ZNF385C: variants seen among roughly 807,000 people sequenced by gnomAD.
ZNF385C encodes zinc finger protein 385C.
A neutral mutation model predicts 35.4 loss-of-function variants in ZNF385C; 28 were observed. The observed-to-expected ratio is 0.79, with a 90% confidence interval of 0.59 to 1.08. The LOEUF (loss-of-function observed/expected upper bound fraction) is 1.08. Among genes scored for constraint, ZNF385C ranks in the 50% least tolerant of loss-of-function variants. The pLI, the probability that ZNF385C is intolerant of heterozygous loss-of-function variation, is 0.00. For synonymous variants in ZNF385C, 248 were observed against 248.2 expected, an observed-to-expected ratio of 1.00 and a Z score of 0.01; for missense variants, 605 against 595.6, an observed-to-expected ratio of 1.02 and a Z score of -0.16.
intron 2 of ZNF385C, among the ~76,000 whole-genome samples, chr17:42,056,950 C>G (rs1172824876): frequency 1.3e-5 from 2 of 151,990 alleles, no homozygotes; most frequent in African/African-American, 4.8e-5. Flanking sequence ...ACTAATACAC[C>G]CTATCTCTAC....
chr17:42,062,685 G>A, intron 2 of ZNF385C, 122 bp downstream of exon 2: 1 of 422,582 alleles, frequency 2.4e-6, no homozygotes. Flanking sequence ...ACCCCATTGA[G>A]GGCACCCCAG....
At chr17:42,068,927 C>A (rs755710444) in intron 1 of ZNF385C, among the ~76,000 whole-genome samples, 59 of 151,894 alleles carry the variant, frequency 3.9e-4, no homozygotes, top group African/African-American at 1.4e-3. Context: ...TCTATCAGGC[C>A]CTGTGCCTCG....
At chr17:42,027,519 C>T (rs1488922019) in intron 8 of ZNF385C, 99 bp downstream of exon 8, 4 of 1,051,480 alleles carry the variant, frequency 3.8e-6, no homozygotes, top group Non-Finnish European at 5.4e-6. Context: ...TGCAGGGTGG[C>T]CTCTTTTCCT....
At position 42,029,068 on chromosome 17, in the gene ZNF385C, C is replaced by G; in HGVS notation, c.682G>C (p.Ala228Pro). 1 of 1,548,788 alleles carries G rather than the reference C, an allele frequency of 6.5e-7. No homozygotes were observed. Among genetic ancestry groups the G allele is most frequent in the Non-Finnish European group, 8.7e-7 (1 of 1,146,200 alleles). ...APGEPQSKVP[A>P]APPLGPPLQP... The stretch of plus-strand genomic sequence containing the variant: ...AGTGGAGGCCCAAGAGGAGGGGCTG[C>G]AGGAACTGCTGCAGAGATGGAAGAG... The change falls in exon 6 of 9, where the codon GCA (alanine) becomes CCA (proline). Residue 228 changes from alanine to proline, a missense_variant. Transcript: ENST00000692273.
In ZNF385C at chr17:42,037,871, CGGA is replaced by C; in HGVS notation, c.262_264del (p.Ser88del). On this transcript the variant is annotated inframe_deletion, in exon 3 of 9. Transcript: ENST00000692273. ...GAGGCCAGCAGGGGGCTGGGGGCGC[CGGA>C]GGCCGGGCCTGCTGCAGGAGGAAGA... 6.6e-7 allele frequency: 1 copy of C among 1,522,324 alleles called. No individual in the cohort carries two copies. Among genetic ancestry groups the C allele is most frequent in the South Asian group, 1.3e-5 (1 of 79,372 alleles). The allele number at this position is 1,522,324 out of a possible 1,614,324, so 94.3% of individuals were successfully genotyped here. A position where few individuals can be genotyped will look rare whatever the true frequency, so the allele number is the denominator to read the frequency against.
In ZNF385C at chr17:42,028,990, G is replaced by T; in HGVS notation, c.760C>A (p.Leu254Ile). ...GAGGATGAGGAGGCAGCATCCAAGA[G>T]CTCTGAGTGGGCTGGCTCCCTGCAT... ...PTCREPAHSE[L>I]LDAASSSSSS... Residue 254 changes from leucine to isoleucine, a missense_variant, in exon 6 of 9, where the codon CTC (leucine) becomes ATC (isoleucine). Physicochemically the swap from Leu to Ile is conservative, Grantham distance 5. Transcript: ENST00000692273. 6.4e-7 allele frequency: 1 copy of T among 1,550,578 alleles called. No individual in the cohort carries two copies. The highest frequency in any genetic ancestry group is 8.7e-7 in the Non-Finnish European group (1 of 1,147,018).
intron 3 of ZNF385C, among the ~76,000 whole-genome samples, chr17:42,036,559 G>A (rs1555655497): frequency 1.3e-5 from 2 of 152,008 alleles, no homozygotes; most frequent in African/African-American, 4.8e-5. Flanking sequence ...AATAAAAAAG[G>A]AACTTTCCAA....
At chr17:42,065,022 A>AT (rs1240287710) in intron 1 of ZNF385C, 115 of 145,814 alleles carry the variant, frequency 7.9e-4, no homozygotes, top group East Asian at 3.9e-3. Context: ...TGATTTTTGT[A>AT]TTTTTTTTTA....
At chr17:42,029,420 T>TA (rs2052676276) in intron 5 of ZNF385C, among the ~76,000 whole-genome samples, 1 of 152,132 alleles carries the variant, frequency 6.6e-6, no homozygotes, top group African/African-American at 2.4e-5. Context: ...AGCAGATTTT[T>TA]AAAAAACAAT....
intron 1 of ZNF385C, among the ~76,000 whole-genome samples, chr17:42,081,334 T>A (rs782604596): frequency 6.6e-6 from 1 of 151,974 alleles, no homozygotes; most frequent in Non-Finnish European, 1.5e-5. Flanking sequence ...CCACAACCAC[T>A]CACGGGAATC....
At chr17:42,088,081 G>A (rs573938146) in intron 1 of ZNF385C, among the ~76,000 whole-genome samples, 24 of 152,196 alleles carry the variant, frequency 1.6e-4, no homozygotes, top group Non-Finnish European at 2.9e-4. Flanking sequence ...TCGTTATGAG[G>A]ATTACCTGAG....
At chr17:42,061,550 C>T (rs1167925202) in intron 2 of ZNF385C, 2 of 152,242 alleles carry the variant, frequency 1.3e-5, no homozygotes, top group African/African-American at 4.8e-5. Flanking sequence ...CAGACAGACA[C>T]ATATGCTCCA....
chr17:42,043,268 C>T, intron 2 of ZNF385C: 4 of 1,232,262 alleles, frequency 3.2e-6, no homozygotes, highest in Non-Finnish European at 4.0e-6. Flanking sequence ...CGCTCATAGT[C>T]AAAGTCCAGC....
In ZNF385C at chr17:42,025,637, A is replaced by G. The variant is rs1235580810; in HGVS notation, c.*1260T>C. Reference sequence around the variant, plus strand: ...ACACAATAAAACCACAATTGTTATCAAAAAGTTTCCCTCCCCTCCCCCTTT... The same window carrying G: ...ACACAATAAAACCACAATTGTTATCGAAAAGTTTCCCTCCCCTCCCCCTTT... On this transcript the variant is annotated 3_prime_UTR_variant, in exon 9 of 9. Transcript: ENST00000692273. The G allele has an allele frequency of 6.6e-6, 1 of 152,662 alleles. No individual in the cohort carries two copies. The highest frequency in any genetic ancestry group is 2.4e-5 in the African/African-American group (1 of 41,450). 9.5% of individuals were successfully genotyped at this position (152,662 alleles called of 1,614,324 possible).
intron 1 of ZNF385C, among the ~76,000 whole-genome samples, chr17:42,074,626 T>C (rs1053703576): frequency 6.6e-6 from 1 of 152,174 alleles, no homozygotes; most frequent in African/African-American, 2.4e-5. Flanking sequence ...CCTGACCTCA[T>C]GTTCCACCCG....
At chr17:42,032,205 C>T (rs778709704) in intron 4 of ZNF385C, among the ~76,000 whole-genome samples, 1 of 152,118 alleles carries the variant, frequency 6.6e-6, no homozygotes, top group Non-Finnish European at 1.5e-5. Context: ...GGACTACAGG[C>T]GCCCGCCACC....
intron 1 of ZNF385C, among the ~76,000 whole-genome samples, chr17:42,096,662 G>A (rs782050688): frequency 6.6e-6 from 1 of 152,164 alleles, no homozygotes; most frequent in African/African-American, 2.4e-5. Flanking sequence ...CCCAACTCCT[G>A]GAGGTGGGAG....
intron 2 of ZNF385C, among the ~76,000 whole-genome samples, chr17:42,054,723 A>T (rs2053345153): frequency 7.9e-5 from 12 of 151,980 alleles, no homozygotes. Context: ...CTGGGATTAC[A>T]GGTGCCTGCC....
At chr17:42,029,126 T>C in intron 5 of ZNF385C, 53 bp from the exon 6 acceptor site, 1 of 1,508,606 alleles carries the variant, frequency 6.6e-7, no homozygotes, top group Non-Finnish European at 8.9e-7. Context: ...CAGACCACGA[T>C]CTTCAGCTCT....
Sources: gnomAD v4.1 joint callset for allele counts (sites outside exome capture counted in the v4.1 genomes callset) on GRCh38, gnomAD v4.1.1 for gene constraint, MANE v1.5 for transcripts, NCBI Gene and HGNC (gene_info 2026-07-23, HGNC 2026-07-21) for gene names.